The following CDH13 variants were observed in gnomAD, a reference collection of about 807,000 sequenced individuals.
CDH13 encodes the protein cadherin 13, also known as cadherin-13.
CDH13 carries 24 observed loss-of-function variants against 63.8 expected under a neutral mutation model. The observed-to-expected ratio is 0.38, with a 90% confidence interval of 0.27 to 0.53. The LOEUF (loss-of-function observed/expected upper bound fraction) is 0.53. Ranked by LOEUF, CDH13 falls within the 20% of genes least tolerant of loss-of-function variation. The pLI is 0.85. For synonymous variants in CDH13, 503 were observed against 355.3 expected (o/e 1.42, Z -4.67); for missense variants, 1,049 against 903.1 (o/e 1.16, Z -2.07).
chr16:82,672,599 C>G (rs531096018), intron 1 of CDH13, among the ~76,000 whole-genome samples: 1 of 152,252 alleles, frequency 6.6e-6, no homozygotes, highest in African/African-American at 2.4e-5. Context: ...TGCTTCCCCA[C>G]ACCTCTATCT....
chr16:83,329,147 A>T (rs1250479043), intron 5 of CDH13, among the ~76,000 whole-genome samples: 2 of 152,186 alleles, frequency 1.3e-5, no homozygotes, highest in Admixed American at 1.3e-4. Flanking sequence ...AACCTACTAA[A>T]TGCTTGTGGT....
intron 10 of CDH13, among the ~76,000 whole-genome samples, chr16:83,720,728 G>T (rs548849998): frequency 5.4e-4 from 82 of 152,316 alleles, no homozygotes; most frequent in African/African-American, 1.9e-3. Flanking sequence ...TCTGAGAAAA[G>T]AGGGAATCCG....
At position 83,217,448 on chromosome 16, in the gene CDH13, G is replaced by C; in HGVS notation, c.587G>C (p.Ser196Thr). The C allele has an allele frequency of 1.9e-6, 3 of 1,613,940 alleles. No individual in the cohort carries two copies. The highest frequency in any genetic ancestry group is 1.3e-5 in the African/African-American group (1 of 75,056). Residue 196 changes from serine to threonine, a missense_variant, in exon 5 of 14, where the codon AGC (serine) becomes ACC (threonine). Coordinates refer to ENST00000567109, the MANE Select transcript of CDH13 (RefSeq NM_001257.5). ...GIFRINENTGSVSVTRTLDRE... is the reference protein window; with the variant it reads ...GIFRINENTGTVSVTRTLDRE... ...TTCAGAATCAATGAGAACACAGGGA[G>C]CGTCTCCGTGACACGGACCTTGGAC...
At position 83,558,154 on chromosome 16, in the gene CDH13, G is replaced by C. The variant is rs1437300999; in HGVS notation, c.961-44300G>C. ...TCTGGCTGGACACAGTATGTCACCT[G>C]TTGTAGAGGGGCTAGAGTTTGAGAC... On this transcript the variant is annotated intron_variant, in intron 7 of 13. Coordinates refer to ENST00000567109, the MANE Select transcript of CDH13 (RefSeq NM_001257.5). Among the ~76,000 whole-genome samples, 3 of 152,306 alleles carry C rather than the reference G, an allele frequency of 2.0e-5. 1 individual carries two copies. The highest frequency in any genetic ancestry group is 4.8e-5 in the African/African-American group (2 of 41,558).
At chr16:83,294,760 T>G (rs1367584081) in intron 5 of CDH13, among the ~76,000 whole-genome samples, 1 of 152,068 alleles carries the variant, frequency 6.6e-6, no homozygotes, top group Non-Finnish European at 1.5e-5. Flanking sequence ...AGACATCCCA[T>G]GTTCGTGGAT....
chr16:83,712,777 G>A (rs1417653012), intron 10 of CDH13, among the ~76,000 whole-genome samples: 1 of 152,110 alleles, frequency 6.6e-6, no homozygotes, highest in African/African-American at 2.4e-5. Context: ...TGTTTAGCTC[G>A]CCACACAACA....
chr16:82,639,916 G>A (rs779092066), intron 1 of CDH13, among the ~76,000 whole-genome samples: 2 of 152,190 alleles, frequency 1.3e-5, no homozygotes, highest in Non-Finnish European at 1.5e-5. Flanking sequence ...CCTGGTGGCC[G>A]TGCCTATCTG....
At chr16:82,973,954 C>T (rs1001968721) in intron 2 of CDH13, among the ~76,000 whole-genome samples, 9 of 151,990 alleles carry the variant, frequency 5.9e-5, no homozygotes, top group Non-Finnish European at 1.2e-4. Context: ...ACAGAGTTAC[C>T]CACTGTTGTC....
intron 7 of CDH13, among the ~76,000 whole-genome samples, chr16:83,589,272 T>C (rs1277688989): frequency 6.1e-4 from 27 of 44,584 alleles, no homozygotes; most frequent in Non-Finnish European, 1.1e-3. Flanking sequence ...TTATTCTTTC[T>C]CCCTTTCCCC....
At position 82,850,069 on chromosome 16, in the gene CDH13, AT is replaced by A. The variant is rs573627322; in HGVS notation, c.46-8292del. 2.5e-4 allele frequency among the ~76,000 whole-genome samples: 38 copies of A among 152,342 alleles called. 2 individuals are homozygous for A. The highest frequency in any genetic ancestry group is 8.4e-4 in the African/African-American group (35 of 41,570). On this transcript the variant is annotated intron_variant, in intron 1 of 13. Coordinates refer to ENST00000567109, the MANE Select transcript of CDH13 (RefSeq NM_001257.5). ...TTTTCAGCCCGTGAATCCAGAAGAA[AT>A]ATTGACTTTCAAGTCTTACTATCAA...
chr16:83,346,991 G>A (rs1055006242), intron 6 of CDH13, among the ~76,000 whole-genome samples: 10 of 152,146 alleles, frequency 6.6e-5, no homozygotes, highest in African/African-American at 2.4e-4. Context: ...CACCCTCTGG[G>A]TTGGACTATA....
chr16:82,917,911 T>C (rs1354718000), intron 2 of CDH13, among the ~76,000 whole-genome samples: 5 of 104,404 alleles, frequency 4.8e-5, no homozygotes, highest in Non-Finnish European at 9.5e-5. Flanking sequence ...AGAGACTCCA[T>C]GTCAAAAAAA....
intron 7 of CDH13, among the ~76,000 whole-genome samples, chr16:83,539,723 G>A (rs79303063): frequency 6.6e-6 from 1 of 152,190 alleles, no homozygotes; most frequent in Non-Finnish European, 1.5e-5. Context: ...CCATTTCATA[G>A]ATGAAGCAAT....
At chr16:83,039,866 C>T (rs1365132508) in intron 3 of CDH13, among the ~76,000 whole-genome samples, 1 of 152,100 alleles carries the variant, frequency 6.6e-6, no homozygotes, top group Non-Finnish European at 1.5e-5. Flanking sequence ...TTCCACCTAC[C>T]CTATGGTCAG....
chr16:82,998,535 A>T (rs1431348132), intron 2 of CDH13, among the ~76,000 whole-genome samples: 3 of 152,120 alleles, frequency 2.0e-5, no homozygotes, highest in Non-Finnish European at 4.4e-5. Context: ...TCTGTCCAGG[A>T]AATACTCTTG....
chr16:82,659,466 C>T (rs551178431), intron 1 of CDH13, among the ~76,000 whole-genome samples: 26 of 152,220 alleles, frequency 1.7e-4, no homozygotes, highest in African/African-American at 6.3e-4. Context: ...AAAATGGCAG[C>T]AAGCAGTCCA....
At chr16:83,414,685 C>G (rs1451899828) in intron 6 of CDH13, among the ~76,000 whole-genome samples, 1 of 152,158 alleles carries the variant, frequency 6.6e-6, no homozygotes. Flanking sequence ...CTTTCTGAGA[C>G]TGGTTTATTT....
At chr16:82,945,222 G>A (rs893051628) in intron 2 of CDH13, among the ~76,000 whole-genome samples, 2 of 152,168 alleles carry the variant, frequency 1.3e-5, no homozygotes, top group Admixed American at 6.5e-5. Context: ...AGTTTCTGTG[G>A]CAGTCACTCA....
chr16:82,944,288 A>G (rs1204462872), intron 2 of CDH13, among the ~76,000 whole-genome samples: 1 of 152,184 alleles, frequency 6.6e-6, no homozygotes, highest in East Asian at 1.9e-4. Context: ...TATGACTTGC[A>G]GAGGCATTGG....
Sources: gnomAD v4.1 joint callset for allele counts (sites outside exome capture counted in the v4.1 genomes callset) on GRCh38, gnomAD v4.1.1 for gene constraint, MANE v1.5 for transcripts, NCBI Gene and HGNC (gene_info 2026-07-23, HGNC 2026-07-21) for gene names.